RFX3: variants seen among roughly 807,000 people sequenced by gnomAD.
RFX3 encodes the protein transcription factor RFX3.
Under a neutral mutation model 98.6 loss-of-function variants are expected in RFX3, and 14 were observed. That is an observed-to-expected ratio of 0.14 (90% confidence interval 0.09 to 0.22). The LOEUF is 0.22. Ranked by LOEUF, RFX3 falls within the 10% of genes least tolerant of loss-of-function variation. The pLI is 1.00. For synonymous variants in RFX3, 383 were observed against 328.4 expected, an observed-to-expected ratio of 1.17 and a Z score of -1.80; for missense variants, 639 against 926.9, an observed-to-expected ratio of 0.69 and a Z score of 4.03.
intron 1 of RFX3, among the ~76,000 whole-genome samples, chr9:3,504,849 T>TA (rs1564185099): frequency 3.5e-5 from 1 of 28,860 alleles, no homozygotes. Context: ...AATATATATA[T>TA]TATATATGAT....
chr9:3,349,217 T>C (rs1451499672), intron 2 of RFX3, among the ~76,000 whole-genome samples: 3 of 152,094 alleles, frequency 2.0e-5, no homozygotes, highest in Non-Finnish European at 4.4e-5. Flanking sequence ...GATTTTAACA[T>C]GATTACTTAT....
At chr9:3,336,698 G>A (rs945955270) in intron 3 of RFX3, among the ~76,000 whole-genome samples, 1 of 151,992 alleles carries the variant, frequency 6.6e-6, no homozygotes, top group Non-Finnish European at 1.5e-5. Context: ...GGTTAAGGAA[G>A]GTAAAAACTA....
chr9:3,509,880 T>C (rs1220841674), intron 1 of RFX3, among the ~76,000 whole-genome samples: 1 of 151,958 alleles, frequency 6.6e-6, no homozygotes, highest in African/African-American at 2.4e-5. Flanking sequence ...AATTCTGATG[T>C]TCTATGTCAT....
chr9:3,340,631 T>G (rs375215069), intron 3 of RFX3, among the ~76,000 whole-genome samples: 1 of 152,148 alleles, frequency 6.6e-6, no homozygotes, highest in African/African-American at 2.4e-5. Context: ...GACATTTATG[T>G]AGCCAAAAGA....
At chr9:3,468,384 A>AC (rs1848492946) in intron 1 of RFX3, among the ~76,000 whole-genome samples, 1 of 152,218 alleles carries the variant, frequency 6.6e-6, no homozygotes, top group Non-Finnish European at 1.5e-5. Context: ...ACTCAAGTAC[A>AC]CCAAGTGGCA....
chr9:3,229,377 A>G lies in RFX3; in HGVS notation c.1969-488T>C, dbSNP rs142656373. ...GCTTTTATTAGTAAAAAAGGAAAAT[A>G]GAAACTCCAAAATTGAGTGTATTTG... On this transcript the variant is annotated intron_variant, in intron 15 of 16. Transcript: ENST00000617270. Among the ~76,000 whole-genome samples the G allele has an allele frequency of 3.9e-5, 6 of 152,362 alleles. No homozygotes were observed. The East Asian group carries it at 9.6e-4, about 24-fold the overall frequency.
chr9:3,277,135 T>C (rs1381128058), intron 8 of RFX3, among the ~76,000 whole-genome samples: 1 of 152,022 alleles, frequency 6.6e-6, no homozygotes, highest in East Asian at 1.9e-4. Flanking sequence ...AAAAGTCCTA[T>C]ATAGCTCGAG....
At chr9:3,273,940 T>C (rs932254897) in intron 9 of RFX3, among the ~76,000 whole-genome samples, 5 of 151,722 alleles carry the variant, frequency 3.3e-5, no homozygotes, top group South Asian at 2.1e-4. Flanking sequence ...GAATGAGAAA[T>C]TGTTTAGAGA....
chr9:3,246,648 C>A (rs971706389), intron 15 of RFX3, among the ~76,000 whole-genome samples: 1 of 152,162 alleles, frequency 6.6e-6, no homozygotes, highest in African/African-American at 2.4e-5. Flanking sequence ...AGTCCACGTG[C>A]TACCTGGGCA....
intron 15 of RFX3, among the ~76,000 whole-genome samples, chr9:3,240,373 A>T (rs1311825183): frequency 6.6e-6 from 1 of 152,208 alleles, no homozygotes; most frequent in Non-Finnish European, 1.5e-5. Flanking sequence ...TCCTAATTTA[A>T]CACTGGCTCC....
intron 2 of RFX3, among the ~76,000 whole-genome samples, chr9:3,355,131 A>G (rs116769693): frequency 0.016 from 2,482 of 152,006 alleles, 75 homozygotes; most frequent in African/African-American, 0.056. Flanking sequence ...AAAACACTGA[A>G]TAAATCTAAT....
At chr9:3,389,468 T>G (rs1430569057) in intron 2 of RFX3, among the ~76,000 whole-genome samples, 1 of 152,136 alleles carries the variant, frequency 6.6e-6, no homozygotes, top group Non-Finnish European at 1.5e-5. Flanking sequence ...TCAATTTTAT[T>G]GAATTGGGCA....
At chr9:3,272,272 C>T (rs982295923) in intron 9 of RFX3, among the ~76,000 whole-genome samples, 1 of 152,064 alleles carries the variant, frequency 6.6e-6, no homozygotes, top group African/African-American at 2.4e-5. Context: ...AAAACAGCCC[C>T]ACAAAGATCT....
At chr9:3,304,214 A>C (rs1008040468) in intron 4 of RFX3, among the ~76,000 whole-genome samples, 1 of 152,058 alleles carries the variant, frequency 6.6e-6, no homozygotes, top group Non-Finnish European at 1.5e-5. Flanking sequence ...CGAGAAGCAT[A>C]CAAAAAATTA....
intron 1 of RFX3, among the ~76,000 whole-genome samples, chr9:3,449,598 GCCTT>G (rs1369231501): frequency 6.6e-6 from 1 of 152,178 alleles, no homozygotes; most frequent in East Asian, 1.9e-4. Context: ...AGTGCCCCAT[GCCTT>G]AATCCCAGGA....
At chr9:3,381,531 G>A (rs963524020) in intron 2 of RFX3, among the ~76,000 whole-genome samples, 3 of 152,056 alleles carry the variant, frequency 2.0e-5, no homozygotes, top group African/African-American at 7.2e-5. Flanking sequence ...GTTTAATTCT[G>A]CTAATGATGA....
chr9:3,260,883 T>C (rs1822790566), intron 13 of RFX3, among the ~76,000 whole-genome samples: 1 of 149,946 alleles, frequency 6.7e-6, no homozygotes, highest in Non-Finnish European at 1.5e-5. Flanking sequence ...ATATCTAATA[T>C]AAAATATTAG....
chr9:3,316,266 G>C (rs1233281082), intron 4 of RFX3, among the ~76,000 whole-genome samples: 1 of 152,144 alleles, frequency 6.6e-6, no homozygotes, highest in East Asian at 1.9e-4. Flanking sequence ...AAGAACCAAA[G>C]ACAAAAACCA....
In RFX3 at chr9:3,522,159, A is replaced by G. The variant is rs112134157; in HGVS notation, c.-9+3588T>C. Among the ~76,000 whole-genome samples, 7 of 152,290 alleles carry G rather than the reference A, an allele frequency of 4.6e-5. 1 individual carries two copies. Among genetic ancestry groups the G allele is most frequent in the Admixed American group, 1.3e-4 (2 of 15,296 alleles). ...GTCAACCACTGGAAGTCCCAACACAATGCAGTAAAAAATGAAAGTGACACC... is the reference window on the plus strand; with the variant it reads ...GTCAACCACTGGAAGTCCCAACACAGTGCAGTAAAAAATGAAAGTGACACC... On this transcript the variant is annotated intron_variant, in intron 1 of 16. Coordinates refer to ENST00000617270, the MANE Select transcript of RFX3 (RefSeq NM_001282116.2).
Sources: gnomAD v4.1 joint callset for allele counts (sites outside exome capture counted in the v4.1 genomes callset) on GRCh38, gnomAD v4.1.1 for gene constraint, MANE v1.5 for transcripts, NCBI Gene and HGNC (gene_info 2026-07-23, HGNC 2026-07-21) for gene names.